Variants in UHRF2 observed in about 807,000 individuals in gnomAD.
UHRF2 encodes E3 ubiquitin-protein ligase UHRF2.
In UHRF2, 23 loss-of-function variants were observed where a neutral mutation model predicts 96.8. The observed-to-expected ratio is 0.24, with a 90% CI of 0.17 to 0.34. The LOEUF is 0.34. UHRF2 is among the 10% of genes least tolerant of loss of function. The probability of loss-of-function intolerance (pLI) is 1.00; values close to 1 mark genes in which losing one functional copy is unlikely to be tolerated. For missense variants in UHRF2, 685 were observed against 981.5 expected, an observed-to-expected ratio of 0.70 and a Z score of 4.04; for synonymous variants, 385 against 332.6, an observed-to-expected ratio of 1.16 and a Z score of -1.72.
At chr9:6,420,815 C>T (rs1028899428) in intron 1 of UHRF2, 97 bp from the exon 2 acceptor site, 1 of 919,718 alleles carries the variant, frequency 1.1e-6, no homozygotes, top group Non-Finnish European at 1.7e-6. Flanking sequence ...AACTGTAGTG[C>T]TATGGATTTT....
intron 3 of UHRF2, among the ~76,000 whole-genome samples, chr9:6,437,718 A>G (rs752405660): frequency 2.2e-4 from 33 of 152,112 alleles, no homozygotes; most frequent in Non-Finnish European, 3.7e-4. Context: ...CCTGGTTTCA[A>G]GTAATTCTCG....
At chr9:6,451,525 G>A (rs1168982723) in intron 3 of UHRF2, among the ~76,000 whole-genome samples, 1 of 150,754 alleles carries the variant, frequency 6.6e-6, no homozygotes, top group Non-Finnish European at 1.5e-5. Flanking sequence ...CGCCCAGGTT[G>A]GAGTGCAGTG....
chr9:6,466,003 T>C (rs1822836979), intron 4 of UHRF2, among the ~76,000 whole-genome samples: 1 of 152,266 alleles, frequency 6.6e-6, no homozygotes, highest in Admixed American at 6.5e-5. Context: ...CACTTACTAC[T>C]GTAATATAAT....
intron 3 of UHRF2, among the ~76,000 whole-genome samples, chr9:6,446,274 C>T (rs1821497649): frequency 6.6e-6 from 1 of 151,946 alleles, no homozygotes; most frequent in Non-Finnish European, 1.5e-5. Context: ...CCTCAGCCTC[C>T]CAGGTAGATG....
At chr9:6,428,900 A>G (rs932417923) in intron 2 of UHRF2, among the ~76,000 whole-genome samples, 13 of 152,042 alleles carry the variant, frequency 8.6e-5, no homozygotes, top group Non-Finnish European at 1.8e-4. Context: ...GTGGTGGCTC[A>G]TGCCTGTAAT....
chr9:6,438,727 A>G (rs1362553046), intron 3 of UHRF2, among the ~76,000 whole-genome samples: 2 of 152,216 alleles, frequency 1.3e-5, no homozygotes, highest in South Asian at 2.1e-4. Flanking sequence ...GCTGTTTTTT[A>G]TAGTAATCTA....
chr9:6,506,252 G>A lies in UHRF2; in HGVS notation c.*73G>A. 1 of 1,569,630 alleles carries A rather than the reference G, an allele frequency of 6.4e-7. No homozygotes were observed. Among genetic ancestry groups the A allele is most frequent in the Non-Finnish European group, 8.7e-7 (1 of 1,153,054 alleles). ...AGAATCTAAAATGGGTGGGGAGGGT[G>A]GAAGAAATGGTGGACTGTATCTCTC... On this transcript the variant is annotated 3_prime_UTR_variant, in exon 16 of 16. Transcript: ENST00000276893.
At chr9:6,433,793 A>T in intron 2 of UHRF2, 121 bp from the exon 3 acceptor site, 2 of 991,718 alleles carry the variant, frequency 2.0e-6, no homozygotes, top group Non-Finnish European at 2.9e-6. Flanking sequence ...TAACCACTTT[A>T]AACATGAGTA....
At chr9:6,484,135 A>G (rs1278316628) in intron 8 of UHRF2, among the ~76,000 whole-genome samples, 4 of 151,330 alleles carry the variant, frequency 2.6e-5, no homozygotes, top group Admixed American at 6.6e-5. Context: ...TGCAGTAGCA[A>G]TGACAGCTCA....
chr9:6,481,925 C>G, intron 7 of UHRF2, 67 bp from the exon 8 acceptor site: 1 of 1,572,876 alleles, frequency 6.4e-7, no homozygotes, highest in South Asian at 1.2e-5. Flanking sequence ...AGTCACATCT[C>G]AGAATTAAGG....
chr9:6,449,139 G>C (rs1587809961), intron 3 of UHRF2, among the ~76,000 whole-genome samples: 1 of 152,066 alleles, frequency 6.6e-6, no homozygotes, highest in Admixed American at 6.5e-5. Flanking sequence ...AAGAAGTAAA[G>C]GTCTTAAGAA....
In UHRF2 at chr9:6,498,128, A is replaced by G; in HGVS notation, c.1878A>G (p.Glu626=). The change falls in exon 12 of 16, where the codon GAA becomes GAG. Residue 626 remains glutamate, a synonymous_variant. Coordinates refer to ENST00000276893, the MANE Select transcript of UHRF2 (RefSeq NM_152896.3). ...EPAPWTSEGI[E]RSRRLCLRLQ... ...CTCCTTGGACCTCTGAAGGAATAGAACGGTCAAGGAGATTATGTCTACGTT... is the reference window on the plus strand; with the variant it reads ...CTCCTTGGACCTCTGAAGGAATAGAGCGGTCAAGGAGATTATGTCTACGTT... The G allele has an allele frequency of 1.9e-6, 3 of 1,613,924 alleles. No homozygotes were observed. The highest frequency in any genetic ancestry group is 1.7e-6 in the Non-Finnish European group (2 of 1,179,918).
At chr9:6,460,826 T>C in intron 4 of UHRF2, 35 bp downstream of exon 4, 1 of 1,562,084 alleles carries the variant, frequency 6.4e-7, no homozygotes, top group Non-Finnish European at 8.7e-7. Context: ...TTTAATTAAC[T>C]GAATTGATCA....
At chr9:6,445,903 G>C (rs1012546927) in intron 3 of UHRF2, among the ~76,000 whole-genome samples, 4 of 149,546 alleles carry the variant, frequency 2.7e-5, no homozygotes, top group Admixed American at 2.7e-4. Context: ...GGTGATAATG[G>C]TATAAAACTT....
At chr9:6,427,869 A>G (rs1482941325) in intron 2 of UHRF2, among the ~76,000 whole-genome samples, 2 of 152,212 alleles carry the variant, frequency 1.3e-5, no homozygotes, top group Non-Finnish European at 2.9e-5. Context: ...ATCCATTCAC[A>G]TTATATGTGC....
intron 9 of UHRF2, among the ~76,000 whole-genome samples, chr9:6,493,221 C>T (rs1450640907): frequency 6.6e-6 from 1 of 152,002 alleles, no homozygotes; most frequent in Admixed American, 6.6e-5. Context: ...TCGATTGAAC[C>T]TGGGAGGCAG....
At chr9:6,413,784 C>A in intron 1 of UHRF2, 141 bp downstream of exon 1, 1 of 1,124,946 alleles carries the variant, frequency 8.9e-7, no homozygotes, top group Non-Finnish European at 1.2e-6. Context: ...CCCCGCGAGG[C>A]GCGGGGTGCG....
chr9:6,422,982 G>C (rs1054687304), intron 2 of UHRF2: 4 of 253,956 alleles, frequency 1.6e-5, no homozygotes, highest in African/African-American at 2.2e-5. Flanking sequence ...AGAAATAATC[G>C]AATGGCAGTT....
intron 3 of UHRF2, among the ~76,000 whole-genome samples, chr9:6,446,609 G>A (rs143539223): frequency 3.9e-5 from 6 of 151,940 alleles, no homozygotes; most frequent in Non-Finnish European, 8.8e-5. Flanking sequence ...AGCAGTTTGG[G>A]AGGCCAAGGC....
Sources: gnomAD v4.1 joint callset for allele counts (sites outside exome capture counted in the v4.1 genomes callset) on GRCh38, gnomAD v4.1.1 for gene constraint, MANE v1.5 for transcripts, NCBI Gene and HGNC (gene_info 2026-07-23, HGNC 2026-07-21) for gene names.